Variants in BCAP29 observed in about 807,000 individuals in gnomAD.
BCAP29 encodes the protein B-cell receptor-associated protein 29.
A neutral mutation model predicts 31.8 loss-of-function variants in BCAP29; 34 were observed. That is an observed-to-expected ratio of 1.07 (90% CI 0.81 to 1.42). BCAP29 has a LOEUF of 1.42. Among genes scored for constraint, BCAP29 ranks in the 40% most tolerant of loss-of-function variants. The pLI is 0.00. For missense variants in BCAP29, 314 were observed against 269.2 expected, an observed-to-expected ratio of 1.17 and a Z score of -1.16; for synonymous variants, 104 against 91.3, an observed-to-expected ratio of 1.14 and a Z score of -0.79.
chr7:107,607,337 T>C (rs970812631), intron 6 of BCAP29, among the ~76,000 whole-genome samples: 2 of 152,144 alleles, frequency 1.3e-5, no homozygotes, highest in Admixed American at 1.3e-4. Context: ...TTCTCTGATA[T>C]GTGCCTCCAG....
intron 3 of BCAP29, among the ~76,000 whole-genome samples, chr7:107,590,083 A>G (rs964414977): frequency 7.2e-5 from 11 of 152,214 alleles, no homozygotes; most frequent in Non-Finnish European, 1.3e-4. Context: ...TTAACTGAAC[A>G]ATAATGAAAA....
downstream of BCAP29, chr7:107,622,237 C>A (rs74364257): frequency 0.011 from 2,003 of 177,112 alleles, 46 homozygotes; most frequent in African/African-American, 0.045. Flanking sequence ...ACAAAAAAAA[C>A]ACTAATCATG....
intron 6 of BCAP29, among the ~76,000 whole-genome samples, chr7:107,611,035 C>G (rs1290927572): frequency 6.6e-6 from 1 of 152,116 alleles, no homozygotes; most frequent in African/African-American, 2.4e-5. Context: ...TGATGAGGGC[C>G]TGTTTCGTGA....
chr7:107,603,068 C>T (rs1413569547), intron 6 of BCAP29, among the ~76,000 whole-genome samples: 1 of 141,368 alleles, frequency 7.1e-6, no homozygotes, highest in Non-Finnish European at 1.5e-5. Context: ...CTCCCGGGTT[C>T]ACGCCATTCT....
chr7:107,613,149 TCTC>T (rs1198501135), intron 6 of BCAP29, among the ~76,000 whole-genome samples, 180 bp from the exon 7 acceptor site: 1 of 152,184 alleles, frequency 6.6e-6, no homozygotes, highest in Non-Finnish European at 1.5e-5. Flanking sequence ...TGCACCTTAT[TCTC>T]AAATGAGTCA....
At chr7:107,600,344 G>C in intron 5 of BCAP29, 53 bp from the exon 6 acceptor site, 2 of 1,046,120 alleles carry the variant, frequency 1.9e-6, no homozygotes, top group Non-Finnish European at 1.5e-6. Context: ...CTGTAAGAAT[G>C]TCTGGCTATT....
chr7:107,610,737 A>G (rs978629130), intron 6 of BCAP29, among the ~76,000 whole-genome samples: 1 of 152,236 alleles, frequency 6.6e-6, no homozygotes, highest in African/African-American at 2.4e-5. Flanking sequence ...AGTAACCAGA[A>G]GAAACTCCTA....
chr7:107,613,394 G>T lies in BCAP29; in HGVS notation c.652G>T (p.Glu218Ter). ...GATGCAGTCAGAGAGACTTTCGAAA[G>T]AATATGATCAACTCCTGAAAGAACA... ...MKMQSERLSK[E>*]YDQLLKEHSE... The change falls in exon 7 of 8, where the codon GAA (glutamate) becomes TAA (stop). Residue 218 changes from glutamate to a stop codon, truncating the protein, a stop_gained. Coordinates refer to ENST00000005259, the MANE Select transcript of BCAP29 (RefSeq NM_018844.4). LOFTEE classifies it high-confidence loss of function. The T allele has an allele frequency of 6.2e-7, 1 of 1,613,074 alleles. No individual in the cohort carries two copies. The highest frequency in any genetic ancestry group is 8.5e-7 in the Non-Finnish European group (1 of 1,179,186).
intron 6 of BCAP29, among the ~76,000 whole-genome samples, chr7:107,609,337 G>A (rs887572014): frequency 9.2e-5 from 14 of 152,160 alleles, no homozygotes; most frequent in African/African-American, 3.4e-4. Context: ...GGCACTCTTA[G>A]AGGGTTTTTA....
intron 6 of BCAP29, among the ~76,000 whole-genome samples, chr7:107,606,904 A>C (rs1339985173): frequency 6.6e-6 from 1 of 152,112 alleles, no homozygotes; most frequent in Non-Finnish European, 1.5e-5. Context: ...TTTTTATTTT[A>C]TCAAAGTTTT....
At chr7:107,615,251 C>A (rs893459822) in intron 7 of BCAP29, 2 of 456,694 alleles carry the variant, frequency 4.4e-6, no homozygotes, top group Admixed American at 4.7e-5. Flanking sequence ...CACAGAAAAG[C>A]CACAGTCAGC....
chr7:107,596,797 C>T (rs1427621937), intron 5 of BCAP29, among the ~76,000 whole-genome samples: 4 of 152,042 alleles, frequency 2.6e-5, no homozygotes, highest in Admixed American at 2.6e-4. Context: ...TAGTCTTGCC[C>T]TTTTAAAAAA....
chr7:107,598,523 G>A (rs182339577), intron 5 of BCAP29, among the ~76,000 whole-genome samples: 3 of 152,048 alleles, frequency 2.0e-5, no homozygotes, highest in South Asian at 4.2e-4. Flanking sequence ...TTTTATGCTC[G>A]TTTCGTCCTT....
chr7:107,582,642 G>T (rs1305709334), intron 2 of BCAP29, among the ~76,000 whole-genome samples: 4 of 152,062 alleles, frequency 2.6e-5, no homozygotes. Context: ...GGTAGTTGTT[G>T]TAATTAAATG....
In BCAP29 at chr7:107,597,776, A is replaced by T. The variant is rs570237420; in HGVS notation, c.480+1774A>T. ...ACATTATTTTGTGCCCTCAACTCCTATGTTATCTGATAGAACAATTTCCAC... is the reference window on the plus strand; with the variant it reads ...ACATTATTTTGTGCCCTCAACTCCTTTGTTATCTGATAGAACAATTTCCAC... On this transcript the variant is annotated intron_variant, in intron 5 of 7. Coordinates refer to ENST00000005259, the MANE Select transcript of BCAP29 (RefSeq NM_018844.4). Among the ~76,000 whole-genome samples the T allele has an allele frequency of 2.6e-5, 4 of 152,278 alleles. No homozygotes were observed. The South Asian group carries it at 8.3e-4, about 32-fold the overall frequency.
chr7:107,610,141 A>G (rs1812868683), intron 6 of BCAP29, among the ~76,000 whole-genome samples: 1 of 152,232 alleles, frequency 6.6e-6, no homozygotes, highest in Non-Finnish European at 1.5e-5. Flanking sequence ...TGTCACTGTA[A>G]CATTAGTTGA....
intron 3 of BCAP29, among the ~76,000 whole-genome samples, chr7:107,589,933 C>G (rs1452867020): frequency 6.6e-6 from 1 of 152,146 alleles, no homozygotes; most frequent in Non-Finnish European, 1.5e-5. Context: ...CAGATGAGAG[C>G]TACTGTGCCC....
chr7:107,585,278 A>G (rs763328137), intron 3 of BCAP29, among the ~76,000 whole-genome samples: 23 of 152,206 alleles, frequency 1.5e-4, no homozygotes, highest in Non-Finnish European at 3.2e-4. Flanking sequence ...TCTCTCAAAT[A>G]GAATCCTCTT....
chr7:107,590,084 A>G lies in BCAP29; in HGVS notation c.194-3871A>G, dbSNP rs542069778. ...AATTAGAAAATATTTTAACTGAACA[A>G]TAATGAAAATACAATATATTAAAAT... On this transcript the variant is annotated intron_variant, in intron 3 of 7. Transcript: ENST00000005259. 7.2e-4 allele frequency among the ~76,000 whole-genome samples: 109 copies of G among 152,366 alleles called. No homozygotes were observed. The Middle Eastern group carries it at 0.01, about 14-fold the overall frequency.
Sources: gnomAD v4.1 joint callset for allele counts (sites outside exome capture counted in the v4.1 genomes callset) on GRCh38, gnomAD v4.1.1 for gene constraint, MANE v1.5 for transcripts, NCBI Gene and HGNC (gene_info 2026-07-23, HGNC 2026-07-21) for gene names.